Variants in LAMA2 observed in about 807,000 individuals in gnomAD.
LAMA2 encodes laminin subunit alpha 2, also known as laminin subunit alpha-2.
Under a neutral mutation model 364.8 loss-of-function variants are expected in LAMA2, and 269 were observed. That is an observed-to-expected ratio of 0.74 (90% CI 0.67 to 0.82). LAMA2 has a LOEUF of 0.82. Ranked by LOEUF, LAMA2 falls within the 40% of genes least tolerant of loss-of-function variation. LAMA2 has a pLI of 0.00. For missense variants in LAMA2, 3,807 were observed against 3,873.2 expected (o/e 0.98, Z 0.45); for synonymous variants, 1,379 against 1,370.6 (o/e 1.01, Z -0.14).
chr6:129,417,969 G>T (rs1780884394), intron 40 of LAMA2, among the ~76,000 whole-genome samples: 1 of 152,128 alleles, frequency 6.6e-6, no homozygotes, highest in Non-Finnish European at 1.5e-5. Flanking sequence ...TCCACAGCTG[G>T]CTGGGTGGCT....
chr6:129,511,596 T>G (rs1434850434), intron 62 of LAMA2, among the ~76,000 whole-genome samples: 1 of 152,196 alleles, frequency 6.6e-6, no homozygotes, highest in African/African-American at 2.4e-5. Flanking sequence ...GCCTAATAAA[T>G]AGAAGACTTG....
At chr6:129,170,713 A>G (rs1410881892) in intron 9 of LAMA2, among the ~76,000 whole-genome samples, 1 of 151,970 alleles carries the variant, frequency 6.6e-6, no homozygotes, top group Non-Finnish European at 1.5e-5. Context: ...ATTCCTGGGT[A>G]TCCTTGTTGA....
Position 129,265,147 on chromosome 6 carries a change from A to G in LAMA2, c.2209-1959A>G, listed in dbSNP as rs938517461. Reference sequence around the variant, plus strand: ...CTGGAATCAGATGACAAGTGGAGTAATATTTCTTTAGGAGGAAGGACCCCA... The same window carrying G: ...CTGGAATCAGATGACAAGTGGAGTAGTATTTCTTTAGGAGGAAGGACCCCA... On this transcript the variant is annotated intron_variant, in intron 15 of 64. Coordinates refer to ENST00000421865, the MANE Select transcript of LAMA2 (RefSeq NM_000426.4). 2.6e-5 allele frequency among the ~76,000 whole-genome samples: 4 copies of G among 152,154 alleles called. No individual in the cohort carries two copies. In the East Asian group the frequency reaches 7.7e-4, roughly 29 times the overall value.
intron 34 of LAMA2, among the ~76,000 whole-genome samples, chr6:129,372,711 A>C (rs1293664421): frequency 6.6e-6 from 1 of 152,166 alleles, no homozygotes; most frequent in Non-Finnish European, 1.5e-5. Context: ...TTAGTTTTGA[A>C]AGAAATTACC....
intron 1 of LAMA2, among the ~76,000 whole-genome samples, chr6:128,926,761 A>G (rs1425948960): frequency 6.6e-6 from 1 of 152,186 alleles, no homozygotes; most frequent in African/African-American, 2.4e-5. Context: ...AATAAAGACC[A>G]CTTTTCCAAT....
At chr6:129,149,309 G>A (rs541647884) in intron 7 of LAMA2, among the ~76,000 whole-genome samples, 2 of 152,214 alleles carry the variant, frequency 1.3e-5, no homozygotes, top group East Asian at 3.9e-4. Context: ...AGTGACAACT[G>A]GTCTTTTTAG....
In LAMA2 at chr6:129,429,642, G is replaced by A. The variant is rs11968129; in HGVS notation, c.5968+1788G>A. 6.0e-3 allele frequency among the ~76,000 whole-genome samples: 911 copies of A among 152,296 alleles called. 8 individuals are homozygous for A. Among genetic ancestry groups the A allele is most frequent in the African/African-American group, 0.02 (811 of 41,570 alleles). On this transcript the variant is annotated intron_variant, in intron 41 of 64. Transcript: ENST00000421865. ...TCTTATTACAATCTGAAGAATGACT[G>A]TAAGAAGCCAAAACCTGTGTTCCTA...
intron 11 of LAMA2, among the ~76,000 whole-genome samples, chr6:129,191,050 C>A (rs1034514964): frequency 6.6e-6 from 1 of 152,064 alleles, no homozygotes; most frequent in African/African-American, 2.4e-5. Context: ...TGTGGCTGGA[C>A]TTAAGAGTGC....
At chr6:128,887,525 A>G (rs1385169956) in intron 1 of LAMA2, among the ~76,000 whole-genome samples, 1 of 151,980 alleles carries the variant, frequency 6.6e-6, no homozygotes, top group Non-Finnish European at 1.5e-5. Flanking sequence ...CTATCTTAAG[A>G]TTTTTCTACC....
chr6:129,270,420 A>G (rs528419150), intron 16 of LAMA2, among the ~76,000 whole-genome samples: 3 of 152,266 alleles, frequency 2.0e-5, no homozygotes, highest in East Asian at 1.9e-4. Context: ...GTAAGTATGC[A>G]TATGCTGAAA....
In LAMA2 at chr6:129,453,240, G is replaced by A. The variant is rs570821445; in HGVS notation, c.6573+109G>A. On this transcript the variant is annotated intron_variant, in intron 46 of 64. Transcript: ENST00000421865. ...GTATATGGTCCCCAAATGGTCTAACGTAGGCTTTCAGATTTGAAAACCTCA... is the reference window on the plus strand; with the variant it reads ...GTATATGGTCCCCAAATGGTCTAACATAGGCTTTCAGATTTGAAAACCTCA... 172 of 1,045,800 alleles carry A rather than the reference G, an allele frequency of 1.6e-4. 1 individual carries two copies. The highest frequency in any genetic ancestry group is 4.6e-4 in the East Asian group (19 of 41,646). The allele number at this position is 1,045,800 out of a possible 1,614,324, so 64.8% of individuals were successfully genotyped here. A position where few individuals can be genotyped will look rare whatever the true frequency, so the allele number is the denominator to read the frequency against.
At chr6:129,456,535 G>A (rs2114795167) in intron 48 of LAMA2, 41 bp downstream of exon 48, 4 of 1,522,174 alleles carry the variant, frequency 2.6e-6, no homozygotes, top group Non-Finnish European at 3.6e-6. Context: ...CATCTTTGTT[G>A]ACATCTCCTG....
At chr6:129,270,862 G>T (rs1366500782) in intron 17 of LAMA2, 111 bp downstream of exon 17, 1 of 1,153,762 alleles carries the variant, frequency 8.7e-7, no homozygotes. Flanking sequence ...AATAAACACA[G>T]ACATGAATTT....
chr6:128,944,986 G>A (rs1332640764), intron 1 of LAMA2, among the ~76,000 whole-genome samples: 1 of 152,078 alleles, frequency 6.6e-6, no homozygotes, highest in Non-Finnish European at 1.5e-5. Flanking sequence ...CGAGATTTGG[G>A]TAGGATCACA....
intron 27 of LAMA2, among the ~76,000 whole-genome samples, chr6:129,319,354 C>T: frequency 6.6e-6 from 1 of 152,094 alleles, no homozygotes; most frequent in East Asian, 1.9e-4. Flanking sequence ...TACCTGAAGC[C>T]ACTCACATTT....
chr6:129,516,086 A>G, intron 64 of LAMA2, 104 bp from the exon 65 acceptor site: 1 of 1,248,570 alleles, frequency 8.0e-7, no homozygotes, highest in Non-Finnish European at 1.2e-6. Flanking sequence ...TGCATAAAAC[A>G]GCATTCCAAT....
At chr6:129,402,592 A>G (rs1780043517) in intron 39 of LAMA2, 105 bp downstream of exon 39, 3 of 1,161,216 alleles carry the variant, frequency 2.6e-6, no homozygotes, top group Non-Finnish European at 3.8e-6. Flanking sequence ...ATTTCTGTTA[A>G]TTATGAACAC....
At chr6:129,152,107 A>G (rs1778842187) in intron 7 of LAMA2, among the ~76,000 whole-genome samples, 1 of 152,244 alleles carries the variant, frequency 6.6e-6, no homozygotes, top group Non-Finnish European at 1.5e-5. Flanking sequence ...CATATCAATA[A>G]GAAAAAAGTT....
In LAMA2 at chr6:128,922,277, CG is replaced by C. The variant is rs1778789010; in HGVS notation, c.112+38921del. Among the ~76,000 whole-genome samples, 5 of 150,306 alleles carry C rather than the reference CG, an allele frequency of 3.3e-5. 1 individual carries two copies. The South Asian group carries it at 1.1e-3, about 32-fold the overall frequency. On this transcript the variant is annotated intron_variant, in intron 1 of 64. Transcript: ENST00000421865. Reference sequence around the variant, plus strand: ...TTCTAGTTCTAGATCCCTGAGGAATCGCCACACTGACTTCCACAATGGTTGA... The same window carrying C: ...TTCTAGTTCTAGATCCCTGAGGAATCCCACACTGACTTCCACAATGGTTGA...
Sources: gnomAD v4.1 joint callset for allele counts (sites outside exome capture counted in the v4.1 genomes callset) on GRCh38, gnomAD v4.1.1 for gene constraint, MANE v1.5 for transcripts, NCBI Gene and HGNC (gene_info 2026-07-23, HGNC 2026-07-21) for gene names.